Variants in RALYL observed in about 807,000 individuals in gnomAD.
The protein encoded by RALYL is RNA-binding Raly-like protein.
A neutral mutation model predicts 35.1 loss-of-function variants in RALYL; 29 were observed. The observed-to-expected ratio is 0.83, with a 90% CI of 0.61 to 1.13. The LOEUF is 1.13. RALYL is among the 50% of genes most tolerant of loss of function. RALYL has a pLI of 0.00. For synonymous variants in RALYL, 120 were observed against 127.6 expected (o/e 0.94, Z 0.40); for missense variants, 359 against 360.4 (o/e 1.00, Z 0.03).
chr8:84,804,970 G>C (rs1824244622), intron 4 of RALYL, among the ~76,000 whole-genome samples, 168 bp downstream of exon 4: 1 of 152,072 alleles, frequency 6.6e-6, no homozygotes, highest in Non-Finnish European at 1.5e-5. Flanking sequence ...ATGCTCCCTA[G>C]GTTGTATTGT....
chr8:84,539,876 A>ATGTG (rs1306917275), intron 2 of RALYL, among the ~76,000 whole-genome samples: 7 of 19,046 alleles, frequency 3.7e-4, no homozygotes, highest in African/African-American at 7.5e-4. Flanking sequence ...ATATATATAT[A>ATGTG]TGTATATATA....
chr8:84,301,815 C>A (rs1393945811), intron 1 of RALYL, among the ~76,000 whole-genome samples: 1 of 151,840 alleles, frequency 6.6e-6, no homozygotes, highest in Non-Finnish European at 1.5e-5. Flanking sequence ...TTTAATTAAT[C>A]CTAATTATCA....
At chr8:84,451,978 C>T (rs2049528720) in intron 1 of RALYL, among the ~76,000 whole-genome samples, 2 of 151,962 alleles carry the variant, frequency 1.3e-5, no homozygotes, top group South Asian at 4.1e-4. Flanking sequence ...CCTGATATTT[C>T]AGTGAACATC....
chr8:84,698,766 G>A (rs1231142650), intron 2 of RALYL, among the ~76,000 whole-genome samples: 1 of 152,080 alleles, frequency 6.6e-6, no homozygotes. Context: ...ACTCTGAGAA[G>A]TCAGCAGTGT....
intron 1 of RALYL, among the ~76,000 whole-genome samples, chr8:84,447,079 T>G (rs919884405): frequency 3.0e-4 from 45 of 152,064 alleles, no homozygotes; most frequent in African/African-American, 1.1e-3. Flanking sequence ...GTCCACATTT[T>G]TTTGTCACAG....
intron 1 of RALYL, among the ~76,000 whole-genome samples, chr8:84,301,800 T>C (rs1236495612): frequency 6.6e-6 from 1 of 152,100 alleles, no homozygotes; most frequent in Non-Finnish European, 1.5e-5. Flanking sequence ...GTTTTTTATA[T>C]ATAATTTAAT....
At chr8:84,307,234 T>C (rs1841985527) in intron 1 of RALYL, among the ~76,000 whole-genome samples, 1 of 152,118 alleles carries the variant, frequency 6.6e-6, no homozygotes, top group Non-Finnish European at 1.5e-5. Flanking sequence ...CTTTATTCCT[T>C]CTCTTTTTAT....
chr8:84,500,963 T>A (rs900454328), intron 1 of RALYL, among the ~76,000 whole-genome samples: 1 of 152,172 alleles, frequency 6.6e-6, no homozygotes, highest in Non-Finnish European at 1.5e-5. Context: ...TATAAAACAA[T>A]AATCTTCAAT....
intron 1 of RALYL, among the ~76,000 whole-genome samples, chr8:84,366,437 G>C (rs1854287961): frequency 6.6e-6 from 1 of 152,134 alleles, no homozygotes; most frequent in African/African-American, 2.4e-5. Context: ...AAGATCTGCA[G>C]TAGTGGGAGT....
chr8:84,681,181 A>G (rs1346892687), intron 2 of RALYL, among the ~76,000 whole-genome samples: 4 of 152,098 alleles, frequency 2.6e-5, no homozygotes, highest in South Asian at 2.1e-4. Flanking sequence ...CATTATTTCT[A>G]TGGGCTCTGT....
rs560194019 is a variant in RALYL at position 84,652,210 on chromosome 8, T to C, written c.257-122369T>C. Among the ~76,000 whole-genome samples the C allele has an allele frequency of 2.6e-5, 4 of 152,220 alleles. No individual in the cohort carries two copies. The East Asian group carries it at 7.7e-4, about 29-fold the overall frequency. On this transcript the variant is annotated intron_variant, in intron 2 of 8. Transcript: ENST00000521268. ...TCTTCTTCCAAAGAAACTTTTGTTA[T>C]CAAACTTAGCATTTTAAATCAATCA...
At chr8:84,502,455 A>G (rs981294371) in intron 1 of RALYL, among the ~76,000 whole-genome samples, 2 of 152,070 alleles carry the variant, frequency 1.3e-5, no homozygotes, top group Non-Finnish European at 2.9e-5. Context: ...CAAGATTTAT[A>G]CTTAATTGCT....
chr8:84,271,633 C>A (rs1383705702), intron 1 of RALYL, among the ~76,000 whole-genome samples: 1 of 151,648 alleles, frequency 6.6e-6, no homozygotes, highest in Non-Finnish European at 1.5e-5. Flanking sequence ...TATGGTGTAT[C>A]CATATGATGG....
At chr8:84,186,969 C>T (rs1194751003) in intron 1 of RALYL, among the ~76,000 whole-genome samples, 1 of 151,996 alleles carries the variant, frequency 6.6e-6, no homozygotes, top group African/African-American at 2.4e-5. Flanking sequence ...TTTTTTCATT[C>T]GCCAAGCGAC....
At chr8:84,808,272 C>G (rs1282557167) in intron 4 of RALYL, among the ~76,000 whole-genome samples, 2 of 152,076 alleles carry the variant, frequency 1.3e-5, no homozygotes, top group Non-Finnish European at 2.9e-5. Context: ...CCTTTTCCCA[C>G]TTTATGTTTT....
chr8:84,254,394 G>T (rs1830813520), intron 1 of RALYL, among the ~76,000 whole-genome samples: 1 of 152,096 alleles, frequency 6.6e-6, no homozygotes, highest in African/African-American at 2.4e-5. Flanking sequence ...AGTACAAATG[G>T]AAGGAAAGTA....
At chr8:84,864,753 T>C in intron 6 of RALYL, 1 of 598,260 alleles carries the variant, frequency 1.7e-6, no homozygotes, top group South Asian at 1.5e-5. Context: ...CTGGTTTACA[T>C]GGTAGAAAAC....
chr8:84,191,182 TTG>T (rs36011671), intron 1 of RALYL, among the ~76,000 whole-genome samples: 95,831 of 145,486 alleles, frequency 0.66, 31,761 homozygotes, highest in African/African-American at 0.71. Context: ...GTGTGTGTGA[TTG>T]TGTGTGTGTG....
At chr8:84,726,902 G>A (rs893140032) in intron 2 of RALYL, among the ~76,000 whole-genome samples, 3 of 152,012 alleles carry the variant, frequency 2.0e-5, no homozygotes, top group African/African-American at 7.2e-5. Flanking sequence ...CACAACACAA[G>A]GTAGTTAACA....
Sources: allele counts gnomAD v4.1 joint callset (sites outside exome capture counted in the v4.1 genomes callset), GRCh38; gene constraint gnomAD v4.1.1; transcripts MANE v1.5; gene names NCBI Gene and HGNC (gene_info 2026-07-23, HGNC 2026-07-21).